REV3L: variants seen among roughly 807,000 people sequenced by gnomAD.
REV3L encodes DNA polymerase zeta catalytic subunit.
Under a neutral mutation model 299.4 loss-of-function variants are expected in REV3L, and 69 were observed. The ratio of observed to expected loss-of-function variants is 0.23; its 90% confidence interval spans 0.19 to 0.28. The LOEUF is 0.28. REV3L is among the 10% of genes least tolerant of loss of function. REV3L has a pLI of 1.00. For missense variants in REV3L, 3,128 were observed against 3,693.8 expected, an observed-to-expected ratio of 0.85 and a Z score of 3.97; for synonymous variants, 1,238 against 1,271.4, an observed-to-expected ratio of 0.97 and a Z score of 0.56.
At chr6:111,474,994 C>T (rs879934375) in intron 1 of REV3L, among the ~76,000 whole-genome samples, 5,906 of 50,396 alleles carry the variant, frequency 0.12, 321 homozygotes, top group African/African-American at 0.19. Flanking sequence ...TATATACACA[C>T]ACACACACAC....
rs1315298346 is a variant in REV3L at position 111,313,402 on chromosome 6, C to T, written c.8554G>A (p.Ala2852Thr). ...TLDQKDPVFDAKGIETVRRDS... is the reference protein window; with the variant it reads ...TLDQKDPVFDTKGIETVRRDS... Reference sequence around the variant, plus strand: ...CTTCTGACTGTTTCTATTCCTTTTGCATCAAATACTGGGTCCTTCTGATCC... The same window carrying T: ...CTTCTGACTGTTTCTATTCCTTTTGTATCAAATACTGGGTCCTTCTGATCC... Residue 2852 changes from alanine to threonine, a missense_variant, in exon 28 of 32, where the codon GCA becomes ACA. This residue lies in a region of REV3L where 294 missense variants were observed against 377.0 expected (regional missense o/e 0.78). Coordinates refer to ENST00000368802, the MANE Select transcript of REV3L (RefSeq NM_001372078.1). 1.9e-6 allele frequency: 3 copies of T among 1,613,444 alleles called. No homozygotes were observed. The highest frequency in any genetic ancestry group is 1.1e-5 in the South Asian group (1 of 90,994).
At position 111,389,215 on chromosome 6, in the gene REV3L, A is replaced by G; in HGVS notation, c.758-5T>C. On this transcript the variant is annotated splice_polypyrimidine_tract_variant and splice_region_variant and intron_variant, in intron 6 of 31. Coordinates refer to ENST00000368802, the MANE Select transcript of REV3L (RefSeq NM_001372078.1). ...CAGGGTTTCCACCAATTTGAGCTGT[A>G]ATCACAATAATACTTCAATACTACA... 1 of 1,602,612 alleles carries G rather than the reference A, an allele frequency of 6.2e-7. No homozygotes were observed. Among genetic ancestry groups the G allele is most frequent in the Admixed American group, 1.7e-5 (1 of 59,790 alleles).
chr6:111,401,266 C>CTTCA (rs1424299927), intron 4 of REV3L, among the ~76,000 whole-genome samples: 2 of 152,162 alleles, frequency 1.3e-5, no homozygotes, highest in African/African-American at 4.8e-5. Context: ...ATAATACAAC[C>CTTCA]TTCACAAAGA....
At chr6:111,454,677 T>A (rs745923682) in intron 1 of REV3L, among the ~76,000 whole-genome samples, 3 of 152,164 alleles carry the variant, frequency 2.0e-5, no homozygotes, top group Non-Finnish European at 2.9e-5. Context: ...TTTTTCTAAC[T>A]TTTTTTGAGA....
chr6:111,377,458 T>G (rs1044111272), intron 12 of REV3L, among the ~76,000 whole-genome samples: 1 of 152,118 alleles, frequency 6.6e-6, no homozygotes, highest in African/African-American at 2.4e-5. Flanking sequence ...CACCTCAGCC[T>G]CCTGAGTAGC....
At chr6:111,335,677 T>C in intron 21 of REV3L, 67 bp from the exon 22 acceptor site, 1 of 1,485,018 alleles carries the variant, frequency 6.7e-7, no homozygotes, top group Non-Finnish European at 9.1e-7. Context: ...CAGTACTTTT[T>C]TTCCTGCCAA....
intron 1 of REV3L, among the ~76,000 whole-genome samples, chr6:111,469,614 T>C (rs970632211): frequency 4.6e-5 from 7 of 152,170 alleles, no homozygotes; most frequent in African/African-American, 1.7e-4. Context: ...CTGTCACTAG[T>C]TACTTCTGTA....
chr6:111,446,796 T>C (rs1788908062), intron 1 of REV3L, among the ~76,000 whole-genome samples: 1 of 152,132 alleles, frequency 6.6e-6, no homozygotes, highest in Admixed American at 6.6e-5. Context: ...GAATCTCCTT[T>C]TGTAAAGCCT....
chr6:111,349,257 G>T lies in REV3L; in HGVS notation c.7380C>A (p.Gly2460=). The T allele has an allele frequency of 6.2e-7, 1 of 1,601,640 alleles. No homozygotes were observed. Among genetic ancestry groups the T allele is most frequent in the South Asian group, 1.1e-5 (1 of 90,144 alleles). Residue 2460 remains glycine (G), a synonymous_variant, in exon 20 of 32, where the codon GGC becomes GGA. Coordinates refer to ENST00000368802, the MANE Select transcript of REV3L (RefSeq NM_001372078.1). ...SYTMSEINIV[G]RITLNLWRIM... is the part of the protein sequence containing the mutation. ...TTCTCCAAAGATTTAGTGTAATTCG[G>T]CCAACAATATTTATCTCACTCATTG...
chr6:111,436,635 G>A (rs1478128569), intron 1 of REV3L, among the ~76,000 whole-genome samples: 2 of 152,084 alleles, frequency 1.3e-5, no homozygotes, highest in Non-Finnish European at 2.9e-5. Flanking sequence ...GAGAAGGGTG[G>A]GGGTGCAGGG....
chr6:111,346,336 A>C (rs1010392365), intron 20 of REV3L, among the ~76,000 whole-genome samples: 2 of 152,232 alleles, frequency 1.3e-5, no homozygotes, highest in Non-Finnish European at 2.9e-5. Context: ...AGCAGTCAAC[A>C]AATATCTAAT....
At chr6:111,416,219 T>A (rs1784753497) in intron 2 of REV3L, 64 bp downstream of exon 2, 2 of 1,110,198 alleles carry the variant, frequency 1.8e-6, no homozygotes, top group Non-Finnish European at 2.5e-6. Context: ...CAACTGAGTA[T>A]GTTTTCCTCT....
Position 111,377,813 on chromosome 6 carries a change from T to G in REV3L, c.1485A>C (p.Ser495=). The G allele has an allele frequency of 6.2e-7, 1 of 1,612,982 alleles. No individual in the cohort carries two copies. Among genetic ancestry groups the G allele is most frequent in the Non-Finnish European group, 8.5e-7 (1 of 1,179,572 alleles). ...RSLCRNTHRS[S]TEDDDSSSGE... is the part of the protein sequence containing the mutation. ...CTGAAGATGAGTCATCATCTTCAGTTGAACTTCTGTGGGTATTTCTGCACA... is the reference window on the plus strand; with the variant it reads ...CTGAAGATGAGTCATCATCTTCAGTGGAACTTCTGTGGGTATTTCTGCACA... Residue 495 remains serine (S), a synonymous_variant, in exon 12 of 32, where the codon TCA becomes TCC. Coordinates refer to ENST00000368802, the MANE Select transcript of REV3L (RefSeq NM_001372078.1).
chr6:111,376,788 C>T (rs538307741), intron 12 of REV3L, 31 bp from the exon 13 acceptor site: 1 of 1,474,166 alleles, frequency 6.8e-7, no homozygotes, highest in Admixed American at 2.4e-5. Flanking sequence ...CAGTTTATTT[C>T]ATTTTACTCT....
chr6:111,360,332 C>T (rs1320890795), intron 16 of REV3L, among the ~76,000 whole-genome samples: 7 of 152,052 alleles, frequency 4.6e-5, no homozygotes, highest in Admixed American at 4.6e-4. Flanking sequence ...TGCAGACATA[C>T]TTATTGCTTT....
chr6:111,467,720 C>T (rs1343043876), intron 1 of REV3L, among the ~76,000 whole-genome samples: 1 of 152,102 alleles, frequency 6.6e-6, no homozygotes, highest in Non-Finnish European at 1.5e-5. Flanking sequence ...GGAGAATATG[C>T]TTAGGTTATT....
In REV3L at chr6:111,390,562, C is replaced by T. The variant is rs17510705; in HGVS notation, c.663-382G>A. 7.3e-3 allele frequency among the ~76,000 whole-genome samples: 1,115 copies of T among 152,132 alleles called. 13 individuals carry two copies. The highest frequency in any genetic ancestry group is 0.026 in the African/African-American group (1,062 of 41,500). On this transcript the variant is annotated intron_variant, in intron 5 of 31. Transcript: ENST00000368802. ...ACATATGAAATCAGTTGCCTAGAGA[C>T]ATCTTTTTCAGTATTCAAAAAACAA...
chr6:111,450,966 T>C (rs1789466103), intron 1 of REV3L, among the ~76,000 whole-genome samples: 1 of 152,226 alleles, frequency 6.6e-6, no homozygotes, highest in South Asian at 2.1e-4. Flanking sequence ...AAGCTATTTG[T>C]TTATGAAACT....
chr6:111,313,649 C>A, intron 27 of REV3L, 160 bp from the exon 28 acceptor site: 2 of 614,746 alleles, frequency 3.3e-6, no homozygotes, highest in Non-Finnish European at 5.3e-6. Context: ...CACGTGGGAG[C>A]AAAATGAATT....
Sources: gnomAD v4.1 joint callset for allele counts (sites outside exome capture counted in the v4.1 genomes callset) on GRCh38, gnomAD v4.1.1 for gene constraint, gnomAD v4.1.1 regional missense constraint, MANE v1.5 for transcripts, NCBI Gene and HGNC (gene_info 2026-07-23, HGNC 2026-07-21) for gene names.